Variants in GNA14 observed in about 807,000 individuals in gnomAD.
GNA14 encodes the protein G protein subunit alpha 14.
A neutral mutation model predicts 42.0 loss-of-function variants in GNA14; 50 were observed. The ratio of observed to expected loss-of-function variants is 1.19; its 90% CI spans 0.95 to 1.51. The LOEUF (loss-of-function observed/expected upper bound fraction) is 1.51, where lower values mean the gene tolerates loss of function less well. GNA14 is among the 40% of genes most tolerant of loss of function. GNA14 has a pLI of 0.00. For missense variants in GNA14, 473 were observed against 446.2 expected (o/e 1.06, Z -0.54); for synonymous variants, 173 against 163.1 (o/e 1.06, Z -0.46).
intron 1 of GNA14, among the ~76,000 whole-genome samples, chr9:77,541,238 T>C (rs1837657805): frequency 1.3e-5 from 2 of 152,216 alleles, no homozygotes; most frequent in South Asian, 4.1e-4. Flanking sequence ...TGGTCATAAA[T>C]TCTCTCAGCA....
intron 2 of GNA14, among the ~76,000 whole-genome samples, chr9:77,478,296 T>C (rs1416241957): frequency 6.6e-6 from 1 of 151,970 alleles, no homozygotes; most frequent in Non-Finnish European, 1.5e-5. Flanking sequence ...TTTGTCCTTG[T>C]GATAGTTTAC....
chr9:77,605,988 A>G (rs1823639785), intron 1 of GNA14, among the ~76,000 whole-genome samples: 1 of 152,196 alleles, frequency 6.6e-6, no homozygotes, highest in East Asian at 1.9e-4. Flanking sequence ...CTGTTGAGAG[A>G]TATCTCCCTT....
chr9:77,643,589 G>T (rs1824304283), intron 1 of GNA14, among the ~76,000 whole-genome samples: 1 of 152,084 alleles, frequency 6.6e-6, no homozygotes, highest in African/African-American at 2.4e-5. Context: ...CCATTTTCTG[G>T]AATGGACTTC....
intron 1 of GNA14, among the ~76,000 whole-genome samples, chr9:77,586,308 A>C (rs926415143): frequency 2.0e-5 from 3 of 152,180 alleles, no homozygotes; most frequent in African/African-American, 7.2e-5. Flanking sequence ...ACAACAACAA[A>C]AAGATAACCA....
chr9:77,536,448 T>A (rs991242657), intron 1 of GNA14, among the ~76,000 whole-genome samples: 1 of 152,166 alleles, frequency 6.6e-6, no homozygotes, highest in African/African-American at 2.4e-5. Flanking sequence ...CTTCCCAGGT[T>A]CAAGCAATTC....
chr9:77,451,633 CA>C (rs1249907847), intron 2 of GNA14, among the ~76,000 whole-genome samples: 1 of 152,142 alleles, frequency 6.6e-6, no homozygotes, highest in Admixed American at 6.5e-5. Context: ...AATATTGCCC[CA>C]AACTTTTTTC....
At chr9:77,628,022 C>G (rs1587853527) in intron 1 of GNA14, among the ~76,000 whole-genome samples, 1 of 152,170 alleles carries the variant, frequency 6.6e-6, no homozygotes, top group East Asian at 1.9e-4. Flanking sequence ...TCTCCTTAAG[C>G]TGATAAGCAA....
chr9:77,450,385 C>T (rs1291858466), intron 2 of GNA14, among the ~76,000 whole-genome samples: 1 of 152,072 alleles, frequency 6.6e-6, no homozygotes, highest in Non-Finnish European at 1.5e-5. Flanking sequence ...CATCCATCTC[C>T]CTCTGACCTT....
intron 2 of GNA14, among the ~76,000 whole-genome samples, chr9:77,460,921 C>A (rs1326426480): frequency 1.3e-5 from 2 of 152,156 alleles, no homozygotes; most frequent in Non-Finnish European, 2.9e-5. Flanking sequence ...CACCGAAAAA[C>A]CAAACCAAAT....
At chr9:77,638,262 C>T (rs1038775146) in intron 1 of GNA14, among the ~76,000 whole-genome samples, 4 of 152,194 alleles carry the variant, frequency 2.6e-5, no homozygotes, top group African/African-American at 9.7e-5. Flanking sequence ...CCCACTCTCA[C>T]AGAGCTTGCA....
chr9:77,492,884 C>T (rs1836801240), intron 2 of GNA14, among the ~76,000 whole-genome samples: 1 of 150,804 alleles, frequency 6.6e-6, no homozygotes, highest in South Asian at 2.1e-4. Flanking sequence ...ACCTGTAATC[C>T]CAGCTACTCG....
At chr9:77,534,410 T>C (rs767689588) in intron 1 of GNA14, among the ~76,000 whole-genome samples, 74 of 152,212 alleles carry the variant, frequency 4.9e-4, no homozygotes, top group Admixed American at 5.9e-4. Context: ...AACATAAATC[T>C]TTCCCAAGTG....
intron 1 of GNA14, among the ~76,000 whole-genome samples, chr9:77,639,841 C>T (rs1261725723): frequency 6.6e-6 from 1 of 152,238 alleles, no homozygotes; most frequent in Non-Finnish European, 1.5e-5. Context: ...GCCAGCATGG[C>T]TAATTTACCC....
chr9:77,504,813 G>A lies in GNA14; in HGVS notation c.309+24256C>T, dbSNP rs141231792. Among the ~76,000 whole-genome samples the A allele has an allele frequency of 9.4e-3, 1,429 of 151,898 alleles. 8 individuals are homozygous for A. Among genetic ancestry groups the A allele is most frequent in the Non-Finnish European group, 0.015 (1,002 of 67,940 alleles). ...CTCCTGAGTAGCTGGGACTACAGGTGTGCACCACCACACCTGGATAATTTT... is the reference window on the plus strand; with the variant it reads ...CTCCTGAGTAGCTGGGACTACAGGTATGCACCACCACACCTGGATAATTTT... On this transcript the variant is annotated intron_variant, in intron 2 of 6. Coordinates refer to ENST00000341700, the MANE Select transcript of GNA14 (RefSeq NM_004297.4).
At chr9:77,614,514 G>A (rs1355423233) in intron 1 of GNA14, among the ~76,000 whole-genome samples, 13 of 152,138 alleles carry the variant, frequency 8.5e-5, no homozygotes, top group Non-Finnish European at 2.9e-5. Context: ...CAATGAACAT[G>A]TACTTAATTC....
chr9:77,596,940 A>G (rs771885951), intron 1 of GNA14, among the ~76,000 whole-genome samples: 2 of 152,114 alleles, frequency 1.3e-5, no homozygotes, highest in Non-Finnish European at 2.9e-5. Context: ...ACCAGTGTTC[A>G]CCTTACATTT....
intron 1 of GNA14, among the ~76,000 whole-genome samples, chr9:77,641,520 G>A (rs1824267531): frequency 6.6e-6 from 1 of 151,246 alleles, no homozygotes; most frequent in Non-Finnish European, 1.5e-5. Context: ...GCACAGTGGG[G>A]ATCGCTAATC....
At chr9:77,493,024 A>ATATATATATAT (rs1424877123) in intron 2 of GNA14, among the ~76,000 whole-genome samples, 4 of 73,462 alleles carry the variant, frequency 5.4e-5, no homozygotes, top group African/African-American at 2.0e-4. Context: ...AAAAAAAAAA[A>ATATATATATAT]AAATATATAT....
intron 1 of GNA14, among the ~76,000 whole-genome samples, chr9:77,539,560 T>C (rs1837635348): frequency 6.6e-6 from 1 of 152,222 alleles, no homozygotes; most frequent in Non-Finnish European, 1.5e-5. Flanking sequence ...TTCAATCTTT[T>C]GGAATAGTTT....
Sources: gnomAD v4.1 joint callset for allele counts (sites outside exome capture counted in the v4.1 genomes callset) on GRCh38, gnomAD v4.1.1 for gene constraint, MANE v1.5 for transcripts, NCBI Gene and HGNC (gene_info 2026-07-23, HGNC 2026-07-21) for gene names.